RFTN1: variants seen among roughly 807,000 people sequenced by gnomAD.
The protein encoded by RFTN1 is raftlin, lipid raft linker 1.
A neutral mutation model predicts 46.5 loss-of-function variants in RFTN1; 26 were observed. The ratio of observed to expected loss-of-function variants is 0.56; its 90% CI spans 0.41 to 0.78. The LOEUF (loss-of-function observed/expected upper bound fraction) is 0.78. Ranked by LOEUF, RFTN1 falls within the 30% of genes least tolerant of loss-of-function variation. The probability of loss-of-function intolerance (pLI) is 0.00; values close to 1 mark genes in which losing one functional copy is unlikely to be tolerated. For missense variants in RFTN1, 693 were observed against 718.7 expected, an observed-to-expected ratio of 0.96 and a Z score of 0.41; for synonymous variants, 261 against 284.2, an observed-to-expected ratio of 0.92 and a Z score of 0.82.
chr3:16,317,093 A>T lies in RFTN1; in HGVS notation c.1472T>A (p.Met491Lys), dbSNP rs1276137723. The change falls in exon 10 of 10, where the codon ATG (methionine) becomes AAG (lysine). Residue 491 changes from methionine to lysine, a missense_variant. Physicochemically the swap from Met to Lys is moderately conservative, Grantham distance 95 (BLOSUM62 -1). Transcript: ENST00000334133. The surrounding 1 kb of genome is among the most constrained non-coding windows in gnomAD (Gnocchi z 4.3). ...CTGCTGTCCTGAAACACAGTTTCCC[A>T]TGTCTCCAGCTTTGGAAGACTGGTC... ...LEDQSSKAGD[M>K]GNCVSGQQQE... 11 of 1,613,744 alleles carry T rather than the reference A, an allele frequency of 6.8e-6. No individual in the cohort carries two copies. The highest frequency in any genetic ancestry group is 9.3e-6 in the Non-Finnish European group (11 of 1,179,990).
rs190232371 is a variant in RFTN1, at chr3:16,402,196, C to T, written c.441+7179G>A. Among the ~76,000 whole-genome samples, 6 of 152,336 alleles carry T rather than the reference C, an allele frequency of 3.9e-5. No individual in the cohort carries two copies. Among genetic ancestry groups the T allele is most frequent in the Admixed American group, 3.9e-4 (6 of 15,302 alleles). On this transcript the variant is annotated intron_variant, in intron 4 of 9. Transcript: ENST00000334133. This position sits in a 1 kb window ranked among gnomAD's most constrained non-coding sequence, Gnocchi z 4.5. Reference sequence around the variant, plus strand: ...TGAGTCACCCAGGTGTCATCCTTGGCACCTCTCTCTCCTTCAATGACACGA... The same window carrying T: ...TGAGTCACCCAGGTGTCATCCTTGGTACCTCTCTCTCCTTCAATGACACGA...
At chr3:16,454,064 G>C (rs1477968077) in intron 2 of RFTN1, among the ~76,000 whole-genome samples, 1 of 152,170 alleles carries the variant, frequency 6.6e-6, no homozygotes, top group Non-Finnish European at 1.5e-5. Flanking sequence ...CAAGGAGTAT[G>C]AGCTCCACCA....
intron 6 of RFTN1, among the ~76,000 whole-genome samples, chr3:16,359,255 A>G (rs1403168061): frequency 6.6e-6 from 1 of 152,126 alleles, no homozygotes; most frequent in Non-Finnish European, 1.5e-5. Context: ...TAGGTCTCTC[A>G]TCTATGGGAT....
intron 2 of RFTN1, among the ~76,000 whole-genome samples, chr3:16,445,307 A>G (rs909974186): frequency 6.6e-6 from 1 of 152,112 alleles, no homozygotes; most frequent in African/African-American, 2.4e-5. Flanking sequence ...AAGAGAAAGA[A>G]AGAGAGAGAG....
At position 16,428,368 on chromosome 3, in the gene RFTN1, T is replaced by A. The variant is rs2075323354; in HGVS notation, c.332+5483A>T. Among the ~76,000 whole-genome samples, 1 of 152,208 alleles carries A rather than the reference T, an allele frequency of 6.6e-6. No homozygotes were observed. The highest frequency in any genetic ancestry group is 2.4e-5 in the African/African-American group (1 of 41,448). Reference sequence around the variant, plus strand: ...TTGGGGTTCACTGTTGGAAAAGCAATCTGATCTAGTCCTGAAGGAAGACAT... The same window carrying A: ...TTGGGGTTCACTGTTGGAAAAGCAAACTGATCTAGTCCTGAAGGAAGACAT... On this transcript the variant is annotated intron_variant, in intron 3 of 9. Transcript: ENST00000334133. This position sits in a 1 kb window ranked among gnomAD's most constrained non-coding sequence, Gnocchi z 4.7.
chr3:16,387,668 GAAA>G lies in RFTN1; in HGVS notation c.442-9569_442-9567del, dbSNP rs902963919. Among the ~76,000 whole-genome samples the G allele has an allele frequency of 1.4e-5, 2 of 144,312 alleles. No homozygotes were observed. The highest frequency in any genetic ancestry group is 3.0e-5 in the Non-Finnish European group (2 of 66,512). 94.7% of individuals were successfully genotyped at this position (144,312 alleles called of 152,430 possible). A position where few individuals can be genotyped will look rare whatever the true frequency, so the allele number is the denominator to read the frequency against. Reference sequence around the variant, plus strand: ...TTCAAGTTATCTTTTTTTAAAAGAAGAAAAAGAGGAAAGAATCCAACCAACAAT... The same window carrying G: ...TTCAAGTTATCTTTTTTTAAAAGAAGAAGAGGAAAGAATCCAACCAACAAT... On this transcript the variant is annotated intron_variant, in intron 4 of 9. Coordinates refer to ENST00000334133, the MANE Select transcript of RFTN1 (RefSeq NM_015150.2). The surrounding 1 kb of genome is among the most constrained non-coding windows in gnomAD (Gnocchi z 5.2).
rs368712393 is a variant in RFTN1 at position 16,323,406 on chromosome 3, T to C, written c.1302A>G (p.Leu434=). The change falls in exon 9 of 10, where the codon CTA becomes CTG. Residue 434 remains leucine, a synonymous_variant. Transcript: ENST00000334133. ...ATTCCTTCTTCTTGATTTTCTGAGGTAGACAAGGTCTCTGAAGAAAGACAA... is the reference window on the plus strand; with the variant it reads ...ATTCCTTCTTCTTGATTTTCTGAGGCAGACAAGGTCTCTGAAGAAAGACAA... ...KQIVFLQRPC[L]PQKIKKKESK... 6 of 1,611,536 alleles carry C rather than the reference T, an allele frequency of 3.7e-6. No individual in the cohort carries two copies. The African/African-American group carries it at 8.0e-5, about 22-fold the overall frequency.
rs551049144 is a variant in RFTN1, at chr3:16,506,196, G to A, written c.-9+7246C>T. The stretch of plus-strand genomic sequence containing the variant: ...GGTGACGTTTAAGCAAAATCATGAG[G>A]AAGGCCACAGAGCGAGCCATGGGAT... On this transcript the variant is annotated intron_variant, in intron 1 of 9. Transcript: ENST00000334133. This position sits in a 1 kb window ranked among gnomAD's most constrained non-coding sequence, Gnocchi z 4.8. Among the ~76,000 whole-genome samples the A allele has an allele frequency of 1.2e-4, 19 of 152,296 alleles. No individual in the cohort carries two copies. The highest frequency in any genetic ancestry group is 4.3e-4 in the African/African-American group (18 of 41,560).
chr3:16,510,337 A>C (rs560546180), intron 1 of RFTN1, among the ~76,000 whole-genome samples: 1 of 152,242 alleles, frequency 6.6e-6, no homozygotes, highest in Non-Finnish European at 1.5e-5. Context: ...GAAGCTTAGT[A>C]AAATTCTGTG....
In RFTN1 at chr3:16,442,059, G is replaced by A. The variant is rs1375179773; in HGVS notation, c.146-8022C>T. ...ATCTGTGGAATAAGTTAAAATGTTT[G>A]TTCTAAGGGCTTTAAAAATTTAGAC... On this transcript the variant is annotated intron_variant, in intron 2 of 9. Coordinates refer to ENST00000334133, the MANE Select transcript of RFTN1 (RefSeq NM_015150.2). The surrounding 1 kb of genome is among the most constrained non-coding windows in gnomAD (Gnocchi z 4.1). 6.6e-6 allele frequency among the ~76,000 whole-genome samples: 1 copy of A among 152,074 alleles called. No individual in the cohort carries two copies. Among genetic ancestry groups the A allele is most frequent in the Admixed American group, 6.5e-5 (1 of 15,268 alleles).
intron 2 of RFTN1, among the ~76,000 whole-genome samples, chr3:16,476,125 G>A (rs997561060): frequency 2.6e-5 from 4 of 152,196 alleles, no homozygotes; most frequent in Non-Finnish European, 5.9e-5. Flanking sequence ...GTGGTGGGGC[G>A]AGGACTGTGC....
At chr3:16,471,322 G>A (rs987012310) in intron 2 of RFTN1, among the ~76,000 whole-genome samples, 1 of 152,166 alleles carries the variant, frequency 6.6e-6, no homozygotes, top group Non-Finnish European at 1.5e-5. Context: ...ACCATCATTG[G>A]TTCTGAAGTT....
In RFTN1 at chr3:16,374,849, G is replaced by A. The variant is rs995801099; in HGVS notation, c.826+2869C>T. Among the ~76,000 whole-genome samples the A allele has an allele frequency of 3.3e-5, 5 of 152,110 alleles. No individual in the cohort carries two copies. Among genetic ancestry groups the A allele is most frequent in the African/African-American group, 9.7e-5 (4 of 41,418 alleles). ...TCAGCGAGCAGGAAGAGGAACCCAC[G>A]GCGGGCCTCCCCAAGAACCTGCAGG... On this transcript the variant is annotated intron_variant, in intron 5 of 9. Transcript: ENST00000334133. The surrounding 1 kb of genome is among the most constrained non-coding windows in gnomAD (Gnocchi z 5.4).
intron 4 of RFTN1, among the ~76,000 whole-genome samples, chr3:16,403,974 ATTT>A (rs1238590688): frequency 3.3e-4 from 1 of 3,056 alleles, no homozygotes; most frequent in Non-Finnish European, 5.8e-4. Context: ...TATATATTAT[ATTT>A]TATATATAAT....
At chr3:16,478,228 T>C (rs1286543520) in intron 2 of RFTN1, among the ~76,000 whole-genome samples, 2 of 152,178 alleles carry the variant, frequency 1.3e-5, no homozygotes. Context: ...CCCTTTGTTA[T>C]ACTCACTGTG....
chr3:16,347,289 T>C (rs1395899902), intron 7 of RFTN1, among the ~76,000 whole-genome samples: 4 of 152,248 alleles, frequency 2.6e-5, no homozygotes, highest in Non-Finnish European at 5.9e-5. Flanking sequence ...ATGCATGTTA[T>C]ATCCATTTTC....
chr3:16,479,373 G>T lies in RFTN1; in HGVS notation c.145+14352C>A, dbSNP rs1471622493. ...ACAATAAGAAACTACTTATAGACAT[G>T]AGAGTAAGTTTTTGTTTTCATTTAC... is the stretch of plus-strand genomic sequence containing the variant. On this transcript the variant is annotated intron_variant, in intron 2 of 9. Coordinates refer to ENST00000334133, the MANE Select transcript of RFTN1 (RefSeq NM_015150.2). The surrounding 1 kb of genome is among the most constrained non-coding windows in gnomAD (Gnocchi z 5.1). 6.6e-6 allele frequency among the ~76,000 whole-genome samples: 1 copy of T among 152,236 alleles called. No individual in the cohort carries two copies. The highest frequency in any genetic ancestry group is 2.4e-5 in the African/African-American group (1 of 41,458).
In RFTN1 at chr3:16,484,385, C is replaced by G. The variant is rs1259729998; in HGVS notation, c.145+9340G>C. On this transcript the variant is annotated intron_variant, in intron 2 of 9. Coordinates refer to ENST00000334133, the MANE Select transcript of RFTN1 (RefSeq NM_015150.2). The surrounding 1 kb of genome is among the most constrained non-coding windows in gnomAD (Gnocchi z 4.6). ...ATAAGGAATGTCATCCTGTTATTATCATGACCACCCAAAATTTATATACAG... is the reference window on the plus strand; with the variant it reads ...ATAAGGAATGTCATCCTGTTATTATGATGACCACCCAAAATTTATATACAG... Among the ~76,000 whole-genome samples the G allele has an allele frequency of 2.6e-5, 4 of 152,314 alleles. No individual in the cohort carries two copies. In the South Asian group the frequency reaches 8.3e-4, roughly 32 times the overall value.
chr3:16,493,589 C>T, intron 2 of RFTN1, 136 bp downstream of exon 2: 2 of 810,152 alleles, frequency 2.5e-6, no homozygotes, highest in Non-Finnish European at 3.9e-6. Flanking sequence ...TGTAAGCCGC[C>T]CCCTTGAGAC....
Sources: allele counts gnomAD v4.1 joint callset (sites outside exome capture counted in the v4.1 genomes callset), GRCh38; gene constraint gnomAD v4.1.1; non-coding constraint Gnocchi (gnomAD v3.1); transcripts MANE v1.5; gene names NCBI Gene and HGNC (gene_info 2026-07-23, HGNC 2026-07-21).